The following TAFA2 variants were observed in gnomAD, a reference collection of about 807,000 sequenced individuals.
The protein encoded by TAFA2 is chemokine-like protein TAFA-2.
In TAFA2, 7 loss-of-function variants were observed where a neutral mutation model predicts 18.8. The observed-to-expected ratio is 0.37, with a 90% CI of 0.21 to 0.70. The LOEUF (loss-of-function observed/expected upper bound fraction) is 0.70. TAFA2 is among the 30% of genes least tolerant of loss of function. The pLI is 0.53. For synonymous variants in TAFA2, 60 were observed against 54.2 expected (o/e 1.11, Z -0.47); for missense variants, 122 against 158.1 (o/e 0.77, Z 1.23).
chr12:62,170,400 G>A (rs1246550516), intron 1 of TAFA2, among the ~76,000 whole-genome samples: 1 of 152,196 alleles, frequency 6.6e-6, no homozygotes, highest in Admixed American at 6.5e-5. Flanking sequence ...CTTCTGAAAT[G>A]TTGCCAAGAC....
At chr12:61,880,535 A>T (rs187642082) in intron 1 of TAFA2, 1 of 503,952 alleles carries the variant, frequency 2.0e-6, no homozygotes, top group African/African-American at 2.0e-5. Flanking sequence ...GCAAGAGTCT[A>T]GGATGCAGAA....
chr12:61,752,803 A>G (rs1192943936), intron 4 of TAFA2, among the ~76,000 whole-genome samples: 4 of 152,034 alleles, frequency 2.6e-5, no homozygotes, highest in Non-Finnish European at 4.4e-5. Context: ...CTCTACTTTT[A>G]TGTTACTTTT....
chr12:61,831,549 G>A (rs1872720830), intron 2 of TAFA2, among the ~76,000 whole-genome samples: 1 of 151,980 alleles, frequency 6.6e-6, no homozygotes, highest in Non-Finnish European at 1.5e-5. Context: ...TCACTCCTAT[G>A]GAATTTCAGC....
intron 1 of TAFA2, chr12:61,880,595 T>C (rs577443873): frequency 2.2e-6 from 1 of 446,814 alleles, no homozygotes; most frequent in South Asian, 1.7e-5. Context: ...AGGGCTGAGC[T>C]CGGCCTATGG....
intron 2 of TAFA2, among the ~76,000 whole-genome samples, chr12:61,762,631 T>A (rs1461492810): frequency 1.1e-4 from 5 of 44,664 alleles, no homozygotes; most frequent in African/African-American, 3.8e-4. Context: ...TAATTTCATT[T>A]TTTATATATA....
intron 1 of TAFA2, among the ~76,000 whole-genome samples, chr12:62,051,186 C>T (rs1882042926): frequency 6.6e-6 from 1 of 152,124 alleles, no homozygotes; most frequent in Non-Finnish European, 1.5e-5. Flanking sequence ...GTCTAATTAC[C>T]ACTCTCCCAT....
chr12:61,895,465 A>G lies in TAFA2; in HGVS notation c.-1-28039T>C, dbSNP rs539764428. On this transcript the variant is annotated intron_variant, in intron 1 of 4. Coordinates refer to ENST00000416284, the MANE Select transcript of TAFA2 (RefSeq NM_178539.5). ...AACAGTTCTCCCAAGTATTAACTCA[A>G]TGATACTCCAGGCTCTTATGGCTAA... 1.7e-3 allele frequency among the ~76,000 whole-genome samples: 259 copies of G among 152,280 alleles called. 1 individual carries two copies. The highest frequency in any genetic ancestry group is 2.6e-3 in the Non-Finnish European group (174 of 68,002).
At chr12:62,200,727 G>C (rs1411399548) in intron 1 of TAFA2, among the ~76,000 whole-genome samples, 2 of 152,118 alleles carry the variant, frequency 1.3e-5, no homozygotes, top group African/African-American at 2.4e-5. Context: ...GATTGTCTTG[G>C]CTATATGGGC....
intron 1 of TAFA2, among the ~76,000 whole-genome samples, chr12:62,130,859 T>G (rs1391539887): frequency 1.3e-5 from 2 of 152,014 alleles, no homozygotes; most frequent in Non-Finnish European, 1.5e-5. Flanking sequence ...GAAAATGGCA[T>G]GTTGAATAAC....
intron 1 of TAFA2, among the ~76,000 whole-genome samples, chr12:62,129,409 A>G (rs969230891): frequency 2.6e-5 from 4 of 152,030 alleles, no homozygotes; most frequent in Admixed American, 2.6e-4. Flanking sequence ...CTGTTATGAC[A>G]TAAGAATCAA....
At chr12:62,139,202 T>C (rs563539875) in intron 1 of TAFA2, among the ~76,000 whole-genome samples, 7 of 152,292 alleles carry the variant, frequency 4.6e-5, no homozygotes, top group Admixed American at 2.6e-4. Context: ...GCAAATGTGT[T>C]TTAATACTCC....
At chr12:61,953,697 A>G (rs986691785) in intron 1 of TAFA2, among the ~76,000 whole-genome samples, 1 of 152,178 alleles carries the variant, frequency 6.6e-6, no homozygotes, top group Non-Finnish European at 1.5e-5. Context: ...CAATTGGAGG[A>G]GTCTGCCTCA....
intron 1 of TAFA2, among the ~76,000 whole-genome samples, chr12:62,147,254 A>G (rs1254213521): frequency 2.1e-5 from 3 of 144,506 alleles, no homozygotes; most frequent in African/African-American, 7.8e-5. Context: ...GTATATATGT[A>G]TGTGTATATA....
intron 1 of TAFA2, among the ~76,000 whole-genome samples, chr12:61,986,065 T>A (rs532017241): frequency 6.6e-6 from 1 of 151,816 alleles, no homozygotes; most frequent in East Asian, 1.9e-4. Flanking sequence ...ACATGCTAAG[T>A]AGCTCTGTGC....
At chr12:61,923,269 C>T (rs1229228786) in intron 1 of TAFA2, among the ~76,000 whole-genome samples, 1 of 152,186 alleles carries the variant, frequency 6.6e-6, no homozygotes. Flanking sequence ...TCAAGTGAGT[C>T]CCTGATCCCC....
intron 1 of TAFA2, among the ~76,000 whole-genome samples, chr12:62,020,896 A>C (rs1490938197): frequency 6.6e-6 from 1 of 152,228 alleles, no homozygotes; most frequent in African/African-American, 2.4e-5. Context: ...AAGTAAGAAT[A>C]ATATTTCACG....
intron 1 of TAFA2, among the ~76,000 whole-genome samples, chr12:61,869,234 G>C (rs911083358): frequency 1.3e-5 from 2 of 152,112 alleles, no homozygotes; most frequent in African/African-American, 4.8e-5. Flanking sequence ...TTAAAACCAG[G>C]CTTCCTGCTG....
At chr12:61,794,268 G>A (rs1016320782) in intron 2 of TAFA2, among the ~76,000 whole-genome samples, 1 of 151,892 alleles carries the variant, frequency 6.6e-6, no homozygotes, top group African/African-American at 2.4e-5. Flanking sequence ...AGAAATATTT[G>A]CTGACAGCAT....
intron 2 of TAFA2, among the ~76,000 whole-genome samples, chr12:61,789,965 C>T (rs1489002281): frequency 2.0e-5 from 3 of 151,742 alleles, no homozygotes; most frequent in Non-Finnish European, 4.4e-5. Context: ...AAAAAATTCT[C>T]AACAAGATAC....
Sources: allele counts gnomAD v4.1 joint callset (sites outside exome capture counted in the v4.1 genomes callset), GRCh38; gene constraint gnomAD v4.1.1; transcripts MANE v1.5; gene names NCBI Gene and HGNC (gene_info 2026-07-23, HGNC 2026-07-21).